The following GTPBP4 variants were observed in gnomAD, a reference collection of about 807,000 sequenced individuals.
GTPBP4 encodes the protein GTP-binding protein 4.
A neutral mutation model predicts 81.7 loss-of-function variants in GTPBP4; 15 were observed. The ratio of observed to expected loss-of-function variants is 0.18; its 90% CI spans 0.12 to 0.28. The LOEUF (loss-of-function observed/expected upper bound fraction) is 0.28, where lower values mean the gene tolerates loss of function less well. Among genes scored for constraint, GTPBP4 ranks in the 10% least tolerant of loss-of-function variants. The pLI is 1.00. For missense variants in GTPBP4, 847 were observed against 793.8 expected, an observed-to-expected ratio of 1.07 and a Z score of -0.81; for synonymous variants, 272 against 274.6, an observed-to-expected ratio of 0.99 and a Z score of 0.09.
rs777248731 is a variant in GTPBP4, at chr10:1,007,939, C to T, written c.1113+811C>T. ...TCGCTGATTTGTTACTTTTGTATTA[C>T]AAAGGTTGGATTCTTGTCAGATACA... On this transcript the variant is annotated intron_variant, in intron 10 of 16. Coordinates refer to ENST00000360803, the MANE Select transcript of GTPBP4 (RefSeq NM_012341.3). 1.4e-5 allele frequency: 7 copies of T among 517,874 alleles called. No individual in the cohort carries two copies. The East Asian group carries it at 3.8e-4, about 28-fold the overall frequency. 32.1% of individuals were successfully genotyped at this position (517,874 alleles called of 1,614,324 possible). A position where few individuals can be genotyped will look rare whatever the true frequency, so the allele number is the denominator to read the frequency against.
intron 4 of GTPBP4, 82 bp downstream of exon 4, chr10:996,324 T>C (rs1831537865): frequency 7.9e-7 from 1 of 1,260,824 alleles, no homozygotes; most frequent in Non-Finnish European, 1.1e-6. Context: ...GATGTCTGTT[T>C]TTCTTGTATT....
In GTPBP4 at chr10:1,019,811, G is replaced by C; in HGVS notation, c.*2584G>C. On this transcript the variant is annotated 3_prime_UTR_variant, in exon 17 of 17. Transcript: ENST00000360803. ...TTGCCTTGTGGTGATAGATTGTCATGAACACAATGTCCTCTGGAGAAATCT... is the reference window on the plus strand; with the variant it reads ...TTGCCTTGTGGTGATAGATTGTCATCAACACAATGTCCTCTGGAGAAATCT... The C allele has an allele frequency of 1.9e-6, 3 of 1,613,754 alleles. No homozygotes were observed. Among genetic ancestry groups the C allele is most frequent in the Non-Finnish European group, 2.5e-6 (3 of 1,179,680 alleles).
At chr10:1,013,330 C>A (rs929701176) in intron 14 of GTPBP4, among the ~76,000 whole-genome samples, 1 of 150,454 alleles carries the variant, frequency 6.6e-6, no homozygotes, top group Non-Finnish European at 1.5e-5. Context: ...ACTCTTTAGG[C>A]CGGGCGCAGT....
chr10:1,016,729 T>C (rs1832000639), intron 16 of GTPBP4, among the ~76,000 whole-genome samples: 1 of 152,256 alleles, frequency 6.6e-6, no homozygotes, highest in African/African-American at 2.4e-5. Context: ...ATCCAGTCTT[T>C]ATACAAAAAT....
At position 1,019,242 on chromosome 10, in the gene GTPBP4, C is replaced by G; in HGVS notation, c.*2015C>G. On this transcript the variant is annotated 3_prime_UTR_variant, in exon 17 of 17. Coordinates refer to ENST00000360803, the MANE Select transcript of GTPBP4 (RefSeq NM_012341.3). ...TCCCCAAGACTTTCAGGATCAGCTG[C>G]TGTTAATCAAACAAGTGCTTATAAA... 1 of 352,816 alleles carries G rather than the reference C, an allele frequency of 2.8e-6. No homozygotes were observed. Among genetic ancestry groups the G allele is most frequent in the Non-Finnish European group, 5.2e-6 (1 of 190,896 alleles). The allele number at this position is 352,816 out of a possible 1,614,324, so 21.9% of individuals were successfully genotyped here.
At chr10:1,015,075 T>C (rs1831951209) in intron 15 of GTPBP4, among the ~76,000 whole-genome samples, 1 of 152,244 alleles carries the variant, frequency 6.6e-6, no homozygotes, top group Non-Finnish European at 1.5e-5. Flanking sequence ...ATCTGAAATA[T>C]AAATTGTGAT....
In GTPBP4 at chr10:995,998, G is replaced by A. The variant is rs200251115; in HGVS notation, c.289G>A (p.Gly97Arg). The A allele has an allele frequency of 2.5e-6, 4 of 1,610,714 alleles. No homozygotes were observed. The African/African-American group carries it at 5.3e-5, about 22-fold the overall frequency. ...CAAGGATCATTACAAGTTGGCTCTG[G>A]GGCAAATAAATATTGCCAAAAATTT... Reference protein sequence around the residue: ...YDKDHYKLALGQINIAKNLVD... With the variant: ...YDKDHYKLALRQINIAKNLVD... The change falls in exon 3 of 17, where the codon GGG (glycine) becomes AGG (arginine). Residue 97 changes from glycine (G) to arginine (R), a missense_variant. Coordinates refer to ENST00000360803, the MANE Select transcript of GTPBP4 (RefSeq NM_012341.3).
intron 4 of GTPBP4, chr10:996,939 C>G (rs981830732): frequency 2.4e-6 from 1 of 425,286 alleles, no homozygotes; most frequent in Admixed American, 4.2e-5. Context: ...ATGCTGTTGG[C>G]CCCACCTGTC....
intron 11 of GTPBP4, 101 bp from the exon 12 acceptor site, chr10:1,009,428 G>C (rs1831809712): frequency 1.3e-5 from 11 of 834,110 alleles, no homozygotes; most frequent in Non-Finnish European, 2.1e-5. Context: ...CACTGATACT[G>C]AGAGGATTGG....
rs759344902 is a variant in GTPBP4 at position 1,008,942 on chromosome 10, T to C, written c.1114-16T>C. On this transcript the variant is annotated splice_polypyrimidine_tract_variant and intron_variant, in intron 10 of 16. Coordinates refer to ENST00000360803, the MANE Select transcript of GTPBP4 (RefSeq NM_012341.3). The stretch of plus-strand genomic sequence containing the variant: ...GCAGGCATTTCACATAAATATTTTA[T>C]ATGGGATCTTCTCAGGAGAGGCCCC... The C allele has an allele frequency of 6.3e-7, 1 of 1,585,240 alleles. No homozygotes were observed. The highest frequency in any genetic ancestry group is 1.1e-5 in the South Asian group (1 of 90,476).
rs1416630673 is a variant in GTPBP4 at position 1,010,537 on chromosome 10, A to C, written c.1344+17A>C. 1 of 1,290,578 alleles carries C rather than the reference A, an allele frequency of 7.7e-7. No individual in the cohort carries two copies. 79.9% of individuals were successfully genotyped at this position (1,290,578 alleles called of 1,614,324 possible). On this transcript the variant is annotated intron_variant, in intron 13 of 16. Transcript: ENST00000360803. ...ATCATGAAGGTTTGTGTCACTTTTTAAATTGCGGATTGTTTTCCTTTTTAT... is the reference window on the plus strand; with the variant it reads ...ATCATGAAGGTTTGTGTCACTTTTTCAATTGCGGATTGTTTTCCTTTTTAT...
chr10:992,292 C>A (rs1831458231), intron 1 of GTPBP4, among the ~76,000 whole-genome samples, 197 bp from the exon 2 acceptor site: 1 of 150,640 alleles, frequency 6.6e-6, no homozygotes, highest in Non-Finnish European at 1.5e-5. Context: ...CCCAGCTACT[C>A]TGGAGGCTGA....
At chr10:1,015,667 G>A in intron 15 of GTPBP4, 86 bp from the exon 16 acceptor site, 1 of 462,874 alleles carries the variant, frequency 2.2e-6, no homozygotes, top group Non-Finnish European at 3.6e-6. Flanking sequence ...GCCTGGGAGT[G>A]GACCTGGGGT....
At chr10:1,012,999 G>T (rs988151192) in intron 14 of GTPBP4, among the ~76,000 whole-genome samples, 1 of 151,782 alleles carries the variant, frequency 6.6e-6, no homozygotes, top group African/African-American at 2.4e-5. Context: ...TTTTTTTAGG[G>T]GGGAGATGGA....
chr10:1,019,722 G>A lies in GTPBP4; in HGVS notation c.*2495G>A, dbSNP rs766237993. 3 of 1,614,026 alleles carry A rather than the reference G, an allele frequency of 1.9e-6. No individual in the cohort carries two copies. The highest frequency in any genetic ancestry group is 2.5e-6 in the Non-Finnish European group (3 of 1,180,016). On this transcript the variant is annotated 3_prime_UTR_variant, in exon 17 of 17. Transcript: ENST00000360803. ...CGTTTCACTGGGATCCGGGTTCAGA[G>A]TGACGTTTTTCCTCACAAGCAGAAG... is the stretch of plus-strand genomic sequence containing the variant.
In GTPBP4 at chr10:1,019,727, G is replaced by A. The variant is rs201862890; in HGVS notation, c.*2500G>A. 2.5e-6 allele frequency: 4 copies of A among 1,613,896 alleles called. No individual in the cohort carries two copies. The highest frequency in any genetic ancestry group is 1.7e-5 in the Admixed American group (1 of 59,990). ...CACTGGGATCCGGGTTCAGAGTGACGTTTTTCCTCACAAGCAGAAGGTAAC... is the reference window on the plus strand; with the variant it reads ...CACTGGGATCCGGGTTCAGAGTGACATTTTTCCTCACAAGCAGAAGGTAAC... On this transcript the variant is annotated 3_prime_UTR_variant, in exon 17 of 17. Transcript: ENST00000360803.
At position 1,011,774 on chromosome 10, in the gene GTPBP4, A is replaced by G. The variant is rs191018438; in HGVS notation, c.1345-691A>G. Among the ~76,000 whole-genome samples, 957 of 152,314 alleles carry G rather than the reference A, an allele frequency of 6.3e-3. 4 individuals carry two copies. Among genetic ancestry groups the G allele is most frequent in the African/African-American group, 0.022 (915 of 41,582 alleles). On this transcript the variant is annotated intron_variant, in intron 13 of 16. Transcript: ENST00000360803. ...CTGCTGTCACCTCTGCTGGGGCCCCAGTCCAGCCCGTGCCCTCACTGTCCC... is the reference window on the plus strand; with the variant it reads ...CTGCTGTCACCTCTGCTGGGGCCCCGGTCCAGCCCGTGCCCTCACTGTCCC...
chr10:1,019,715 G>A lies in GTPBP4; in HGVS notation c.*2488G>A. ...TGCTTTTCGTTTCACTGGGATCCGGGTTCAGAGTGACGTTTTTCCTCACAA... is the reference window on the plus strand; with the variant it reads ...TGCTTTTCGTTTCACTGGGATCCGGATTCAGAGTGACGTTTTTCCTCACAA... On this transcript the variant is annotated 3_prime_UTR_variant, in exon 17 of 17. Coordinates refer to ENST00000360803, the MANE Select transcript of GTPBP4 (RefSeq NM_012341.3). The A allele has an allele frequency of 6.2e-7, 1 of 1,613,986 alleles. No homozygotes were observed. The highest frequency in any genetic ancestry group is 1.1e-5 in the South Asian group (1 of 91,072).
intron 2 of GTPBP4, among the ~76,000 whole-genome samples, chr10:992,865 C>T (rs574743562): frequency 4.6e-5 from 7 of 152,312 alleles, no homozygotes; most frequent in African/African-American, 1.7e-4. Context: ...AGTATTCTTT[C>T]TTTCCTCCAA....
Sources: gnomAD v4.1 joint callset for allele counts (sites outside exome capture counted in the v4.1 genomes callset) on GRCh38, gnomAD v4.1.1 for gene constraint, MANE v1.5 for transcripts, NCBI Gene and HGNC (gene_info 2026-07-23, HGNC 2026-07-21) for gene names.